The following TMTC2 variants were observed in gnomAD, a reference collection of about 807,000 sequenced individuals.
TMTC2 encodes protein O-mannosyl-transferase TMTC2.
In TMTC2, 43 loss-of-function variants were observed where a neutral mutation model predicts 82.4. That is an observed-to-expected ratio of 0.52 (90% CI 0.41 to 0.67). The LOEUF (loss-of-function observed/expected upper bound fraction) is 0.67, where lower values mean the gene tolerates loss of function less well. TMTC2 is among the 30% of genes least tolerant of loss of function. The pLI, the probability that TMTC2 is intolerant of heterozygous loss-of-function variation, is 0.00. For missense variants in TMTC2, 919 were observed against 1,012.4 expected (o/e 0.91, Z 1.25); for synonymous variants, 408 against 381.9 (o/e 1.07, Z -0.80).
intron 11 of TMTC2, among the ~76,000 whole-genome samples, chr12:83,093,519 G>A (rs907736162): frequency 2.6e-5 from 4 of 152,144 alleles, no homozygotes; most frequent in Non-Finnish European, 5.9e-5. Context: ...TATTTCACAC[G>A]TTTTTCTGTG....
chr12:83,105,928 C>G (rs954257854), intron 11 of TMTC2, among the ~76,000 whole-genome samples: 2 of 152,144 alleles, frequency 1.3e-5, no homozygotes, highest in Non-Finnish European at 2.9e-5. Context: ...GTTTAAACCT[C>G]TAAAGCCTAC....
intron 2 of TMTC2, among the ~76,000 whole-genome samples, chr12:82,894,959 C>G (rs895437725): frequency 6.8e-6 from 1 of 147,384 alleles, no homozygotes; most frequent in East Asian, 2.0e-4. Context: ...ACCACCATGC[C>G]TGGCAATTTT....
rs1201859337 is a variant in TMTC2, at chr12:82,687,256, A to G, written c.-331A>G. On this transcript the variant is annotated 5_prime_UTR_variant, in exon 1 of 12. It removes the in-frame stop codon of an upstream open reading frame in the 5' UTR. Transcript: ENST00000321196. ...AGGACGCCCCAAACTGCCATGGGTT[A>G]GGGTGGGGATCGCGACCCGCGCGAA... 2 of 402,280 alleles carry G rather than the reference A, an allele frequency of 5.0e-6. No individual in the cohort carries two copies. The highest frequency in any genetic ancestry group is 9.3e-6 in the Non-Finnish European group (2 of 215,196). 24.9% of individuals were successfully genotyped at this position (402,280 alleles called of 1,614,324 possible). A position where few individuals can be genotyped will look rare whatever the true frequency, so the allele number is the denominator to read the frequency against.
chr12:82,823,260 C>T (rs1869219573), intron 1 of TMTC2, among the ~76,000 whole-genome samples: 1 of 152,192 alleles, frequency 6.6e-6, no homozygotes, highest in East Asian at 1.9e-4. Flanking sequence ...TTTATCCTCT[C>T]ACAGAACTCG....
intron 11 of TMTC2, among the ~76,000 whole-genome samples, chr12:83,064,931 G>A (rs1019852637): frequency 2.0e-5 from 3 of 151,802 alleles, no homozygotes; most frequent in African/African-American, 4.8e-5. Flanking sequence ...TTCAACTGCC[G>A]TCTTCTATTT....
chr12:82,951,536 G>A (rs1877346230), intron 4 of TMTC2, among the ~76,000 whole-genome samples: 2 of 152,116 alleles, frequency 1.3e-5, no homozygotes, highest in Non-Finnish European at 2.9e-5. Context: ...GCCTAGGCTA[G>A]TCTCGAACTC....
rs889148114 is a variant in TMTC2 at position 82,710,726 on chromosome 12, G to A, written c.83+23057G>A. On this transcript the variant is annotated intron_variant, in intron 1 of 11. Coordinates refer to ENST00000321196, the MANE Select transcript of TMTC2 (RefSeq NM_152588.3). ...AATCATTGACTACTGGGAGTCCTTG[G>A]GTTTATTCTCAGATCTTTCACTTTT... is the stretch of plus-strand genomic sequence containing the variant. Among the ~76,000 whole-genome samples, 9 of 152,120 alleles carry A rather than the reference G, an allele frequency of 5.9e-5. No homozygotes were observed. The South Asian group carries it at 8.3e-4, about 14-fold the overall frequency.
intron 9 of TMTC2, among the ~76,000 whole-genome samples, chr12:83,050,502 T>A (rs950734799): frequency 6.6e-6 from 1 of 152,118 alleles, no homozygotes; most frequent in African/African-American, 2.4e-5. Flanking sequence ...TTCCTATGTT[T>A]ATCAGTAATT....
chr12:83,089,036 C>G (rs1199475578), intron 11 of TMTC2, among the ~76,000 whole-genome samples: 1 of 152,138 alleles, frequency 6.6e-6, no homozygotes, highest in Non-Finnish European at 1.5e-5. Flanking sequence ...TTGCCAAAAT[C>G]ATGACCACGG....
chr12:82,877,983 A>G (rs1373993253), intron 2 of TMTC2, among the ~76,000 whole-genome samples: 1 of 152,224 alleles, frequency 6.6e-6, no homozygotes, highest in Non-Finnish European at 1.5e-5. Context: ...ATTGTTTTGT[A>G]TAAGTACACA....
intron 1 of TMTC2, among the ~76,000 whole-genome samples, chr12:82,797,660 G>T (rs1266083613): frequency 6.6e-6 from 1 of 152,058 alleles, no homozygotes; most frequent in Non-Finnish European, 1.5e-5. Context: ...CAATTTTAAA[G>T]ATAATAGGCG....
At chr12:82,875,374 G>GCATATATA (rs1032944879) in intron 2 of TMTC2, among the ~76,000 whole-genome samples, 1 of 150,740 alleles carries the variant, frequency 6.6e-6, no homozygotes, top group African/African-American at 2.5e-5. Flanking sequence ...ATATATGTGT[G>GCATATATA]TATATATATA....
chr12:82,891,433 T>C (rs1400489535), intron 2 of TMTC2, among the ~76,000 whole-genome samples: 1 of 152,052 alleles, frequency 6.6e-6, no homozygotes, highest in Admixed American at 6.5e-5. Context: ...CTCAGCCTTC[T>C]GAGTAGCTGG....
At chr12:82,772,046 T>A (rs1301310982) in intron 1 of TMTC2, among the ~76,000 whole-genome samples, 2 of 152,186 alleles carry the variant, frequency 1.3e-5, no homozygotes, top group Non-Finnish European at 2.9e-5. Context: ...TTTAGATGTG[T>A]GTGTGTATGT....
chr12:82,949,492 A>G (rs1231991615), intron 4 of TMTC2, among the ~76,000 whole-genome samples: 3 of 152,216 alleles, frequency 2.0e-5, no homozygotes, highest in Non-Finnish European at 2.9e-5. Context: ...AATTTTTTAA[A>G]TTAAATTATC....
At chr12:83,001,766 A>G (rs1879937193) in intron 8 of TMTC2, among the ~76,000 whole-genome samples, 1 of 152,196 alleles carries the variant, frequency 6.6e-6, no homozygotes, top group South Asian at 2.1e-4. Context: ...CTGCTGAAAC[A>G]TAACAAGAGC....
intron 8 of TMTC2, among the ~76,000 whole-genome samples, chr12:83,005,590 C>T (rs1880165477): frequency 6.6e-6 from 1 of 152,176 alleles, no homozygotes; most frequent in African/African-American, 2.4e-5. Flanking sequence ...AATCTCAGCT[C>T]TGCATTCTGG....
intron 4 of TMTC2, among the ~76,000 whole-genome samples, chr12:82,962,226 G>A (rs1877973056): frequency 6.6e-6 from 1 of 151,984 alleles, no homozygotes; most frequent in South Asian, 2.1e-4. Flanking sequence ...AAGTACATCA[G>A]TTTTCAATGA....
chr12:83,122,441 T>G (rs1403459213), intron 11 of TMTC2, among the ~76,000 whole-genome samples: 1 of 152,054 alleles, frequency 6.6e-6, no homozygotes, highest in Admixed American at 6.6e-5. Context: ...AGGACCCCTG[T>G]GAGGCCAGGC....
Sources: gnomAD v4.1 joint callset for allele counts (sites outside exome capture counted in the v4.1 genomes callset) on GRCh38, gnomAD v4.1.1 for gene constraint, MANE v1.5 for transcripts, NCBI Gene and HGNC (gene_info 2026-07-23, HGNC 2026-07-21) for gene names.